The following MGMT variants were observed in gnomAD, a reference collection of about 807,000 sequenced individuals.
The protein encoded by MGMT is O-6-methylguanine-DNA methyltransferase.
A neutral mutation model predicts 15.9 loss-of-function variants in MGMT; 14 were observed. The ratio of observed to expected loss-of-function variants is 0.88; its 90% CI spans 0.58 to 1.37. The LOEUF (loss-of-function observed/expected upper bound fraction) is 1.37, where lower values mean the gene tolerates loss of function less well. MGMT is among the 40% of genes most tolerant of loss of function. MGMT has a pLI of 0.00. For missense variants in MGMT, 282 were observed against 268.1 expected (o/e 1.05, Z -0.36); for synonymous variants, 130 against 118.2 (o/e 1.10, Z -0.65).
chr10:129,589,275 C>T (rs530639090), intron 2 of MGMT, among the ~76,000 whole-genome samples: 11 of 152,316 alleles, frequency 7.2e-5, no homozygotes, highest in African/African-American at 2.4e-4. Flanking sequence ...GTCAGAGCAG[C>T]CAGGCCTCAA....
At chr10:129,495,791 C>A (rs924825921) in intron 1 of MGMT, among the ~76,000 whole-genome samples, 1 of 152,200 alleles carries the variant, frequency 6.6e-6, no homozygotes, top group South Asian at 2.1e-4. Context: ...TCACGTAGTT[C>A]ACATGACATC....
intron 2 of MGMT, among the ~76,000 whole-genome samples, chr10:129,676,817 T>G (rs1847791513): frequency 6.6e-6 from 1 of 152,188 alleles, no homozygotes; most frequent in African/African-American, 2.4e-5. Flanking sequence ...CTCATATACT[T>G]TACTTTTTTA....
chr10:129,570,001 C>A (rs1055390216), intron 2 of MGMT, among the ~76,000 whole-genome samples: 14 of 152,202 alleles, frequency 9.2e-5, no homozygotes, highest in African/African-American at 3.4e-4. Flanking sequence ...ACTAACTCTG[C>A]AGCCTAAGCC....
At chr10:129,737,722 A>T (rs1238411718) in intron 3 of MGMT, among the ~76,000 whole-genome samples, 1 of 152,028 alleles carries the variant, frequency 6.6e-6, no homozygotes, top group African/African-American at 2.4e-5. Flanking sequence ...TGATGTACAG[A>T]TGGGTTTTTG....
At chr10:129,631,613 A>T (rs1847210563) in intron 2 of MGMT, among the ~76,000 whole-genome samples, 1 of 152,206 alleles carries the variant, frequency 6.6e-6, no homozygotes, top group Non-Finnish European at 1.5e-5. Flanking sequence ...GCTTGAGTGC[A>T]GGAGTTCAGG....
At chr10:129,632,101 A>G (rs1425744734) in intron 2 of MGMT, among the ~76,000 whole-genome samples, 1 of 152,190 alleles carries the variant, frequency 6.6e-6, no homozygotes, top group Admixed American at 6.5e-5. Context: ...GTCACACTGC[A>G]TGTGTTGTAG....
chr10:129,634,990 T>C (rs752919046), intron 2 of MGMT, among the ~76,000 whole-genome samples: 1 of 152,234 alleles, frequency 6.6e-6, no homozygotes, highest in Non-Finnish European at 1.5e-5. Context: ...TACTTGGGAA[T>C]AGTTTGACTC....
chr10:129,765,331 A>G (rs774475496), intron 4 of MGMT, among the ~76,000 whole-genome samples: 2 of 152,124 alleles, frequency 1.3e-5, no homozygotes, highest in Non-Finnish European at 1.5e-5. Context: ...CTTCACAGTA[A>G]CTGCTTGTTG....
At chr10:129,554,521 C>G (rs1846191803) in intron 2 of MGMT, among the ~76,000 whole-genome samples, 1 of 152,216 alleles carries the variant, frequency 6.6e-6, no homozygotes, top group Admixed American at 6.5e-5. Flanking sequence ...TGGTGAACCT[C>G]TATGTTTTTG....
chr10:129,474,492 T>G (rs1564828469), intron 1 of MGMT, among the ~76,000 whole-genome samples: 1 of 152,108 alleles, frequency 6.6e-6, no homozygotes. Context: ...GCTTTTTATG[T>G]GAGGGAAGCC....
At chr10:129,481,100 G>C (rs1477524910) in intron 1 of MGMT, among the ~76,000 whole-genome samples, 1 of 152,210 alleles carries the variant, frequency 6.6e-6, no homozygotes, top group East Asian at 1.9e-4. Context: ...CTAGAGTTTG[G>C]TGTCAATATC....
In MGMT at chr10:129,766,851, G is replaced by A. The variant is rs2308318; in HGVS notation, c.478G>A (p.Gly160Arg). ...CSSGAVGNYS[G>R]GLAVKEWLLA... The stretch of plus-strand genomic sequence containing the variant: ...CAGCGGAGCCGTGGGCAACTACTCC[G>A]GAGGACTGGCCGTGAAGGAATGGCT... Residue 160 changes from glycine (G) to arginine (R), a missense_variant, in exon 5 of 5, where the codon GGA (glycine) becomes AGA (arginine). Gly to Arg is a moderately radical substitution (Grantham distance 125). Transcript: ENST00000651593. The A allele has an allele frequency of 3.4e-4, 553 of 1,613,764 alleles. 4 individuals are homozygous for A. Among genetic ancestry groups the A allele is most frequent in the African/African-American group, 3.2e-3 (238 of 75,080 alleles).
chr10:129,579,840 T>C (rs2133045697), intron 2 of MGMT, among the ~76,000 whole-genome samples: 1 of 152,304 alleles, frequency 6.6e-6, no homozygotes, highest in East Asian at 1.9e-4. Context: ...CTATATGTTT[T>C]TGTTTTCTTT....
At chr10:129,585,019 G>A (rs2133049611) in intron 2 of MGMT, among the ~76,000 whole-genome samples, 1 of 152,228 alleles carries the variant, frequency 6.6e-6, no homozygotes, top group Non-Finnish European at 1.5e-5. Flanking sequence ...TGGGTCCGAT[G>A]GCAATTGCAT....
At chr10:129,613,214 T>C (rs1846982508) in intron 2 of MGMT, among the ~76,000 whole-genome samples, 1 of 152,182 alleles carries the variant, frequency 6.6e-6, no homozygotes, top group Admixed American at 6.5e-5. Context: ...AGGGAAGAGA[T>C]GGTCTCTGAG....
intron 2 of MGMT, among the ~76,000 whole-genome samples, chr10:129,578,388 A>G (rs1329979060): frequency 6.6e-6 from 1 of 152,212 alleles, no homozygotes; most frequent in Non-Finnish European, 1.5e-5. Context: ...TTGTAGGGAC[A>G]TGGATGAAGC....
chr10:129,537,706 T>A (rs769910645), intron 2 of MGMT, among the ~76,000 whole-genome samples: 5 of 152,216 alleles, frequency 3.3e-5, no homozygotes, highest in African/African-American at 7.2e-5. Context: ...AATTTTGAAT[T>A]TCTACTTTAT....
At chr10:129,520,483 A>G (rs916547468) in intron 1 of MGMT, among the ~76,000 whole-genome samples, 10 of 151,894 alleles carry the variant, frequency 6.6e-5, no homozygotes, top group Admixed American at 3.9e-4. Context: ...CAGAGCCCCT[A>G]TGGTGCAGGT....
intron 3 of MGMT, among the ~76,000 whole-genome samples, chr10:129,758,215 C>G (rs530348066): frequency 8.8e-4 from 134 of 152,220 alleles, no homozygotes; most frequent in Middle Eastern, 3.4e-3. Context: ...CCTTTAAGAA[C>G]CAAATCACAC....
Sources: allele counts gnomAD v4.1 joint callset (sites outside exome capture counted in the v4.1 genomes callset), GRCh38; gene constraint gnomAD v4.1.1; transcripts MANE v1.5; gene names NCBI Gene and HGNC (gene_info 2026-07-23, HGNC 2026-07-21).